Variants in ACOT12 observed in about 807,000 individuals in gnomAD.
ACOT12 encodes the protein acyl-CoA thioesterase 12, also known as acetyl-coenzyme A thioesterase.
A neutral mutation model predicts 67.7 loss-of-function variants in ACOT12; 51 were observed. The observed-to-expected ratio is 0.75, with a 90% CI of 0.60 to 0.95. The LOEUF is 0.95. ACOT12 is among the 40% of genes least tolerant of loss of function. The pLI is 0.00. For missense variants in ACOT12, 734 were observed against 708.1 expected (o/e 1.04, Z -0.41); for synonymous variants, 251 against 244.6 (o/e 1.03, Z -0.24).
intron 5 of ACOT12, among the ~76,000 whole-genome samples, chr5:81,358,624 C>T (rs1184505186): frequency 2.6e-5 from 4 of 152,114 alleles, no homozygotes; most frequent in African/African-American, 4.8e-5. Flanking sequence ...CCGAGGCAGG[C>T]GGATCACCTG....
At chr5:81,320,488 G>A in the ACOT12 span, among the ~76,000 whole-genome samples, 1 of 152,180 alleles carries the variant, frequency 6.6e-6, no homozygotes, top group South Asian at 2.1e-4. Flanking sequence ...TATCACCTGA[G>A]TTTTCAGTCT....
chr5:81,385,677 T>G, intron 2 of ACOT12, 80 bp downstream of exon 2: 1 of 1,301,676 alleles, frequency 7.7e-7, no homozygotes, highest in Non-Finnish European at 1.1e-6. Context: ...TCTGCCTGAA[T>G]AAGCTCAGGT....
intron 5 of ACOT12, among the ~76,000 whole-genome samples, chr5:81,356,368 AC>A (rs894899909): frequency 1.1e-4 from 16 of 152,066 alleles, no homozygotes; most frequent in African/African-American, 3.9e-4. Flanking sequence ...CTCTCCCTGC[AC>A]CCCTCTGATT....
At chr5:81,363,717 T>C (rs1759987440) in intron 4 of ACOT12, 71 bp downstream of exon 4, 1 of 1,153,184 alleles carries the variant, frequency 8.7e-7, no homozygotes, top group East Asian at 2.6e-5. Context: ...TTTTTTTCTA[T>C]AACATTCTGA....
chr5:81,377,074 G>A (rs553390601), intron 2 of ACOT12, among the ~76,000 whole-genome samples: 3 of 152,212 alleles, frequency 2.0e-5, no homozygotes, highest in South Asian at 4.2e-4. Context: ...GATGAACATC[G>A]ATGCGAAAAT....
At chr5:81,316,774 T>C in the ACOT12 span, among the ~76,000 whole-genome samples, 1 of 152,228 alleles carries the variant, frequency 6.6e-6, no homozygotes, top group African/African-American at 2.4e-5. Flanking sequence ...TGGAATCTCA[T>C]TGTGGTTTTG....
intron 11 of ACOT12, among the ~76,000 whole-genome samples, chr5:81,340,464 C>A (rs538648713): frequency 4.6e-4 from 70 of 152,246 alleles, no homozygotes; most frequent in African/African-American, 1.6e-3. Flanking sequence ...CAGGTTCAAG[C>A]AATTCTCCTG....
At chr5:81,373,887 G>A (rs1385233701) in intron 2 of ACOT12, among the ~76,000 whole-genome samples, 1 of 152,202 alleles carries the variant, frequency 6.6e-6, no homozygotes, top group East Asian at 1.9e-4. Context: ...GCACATGGGG[G>A]AAGGGGTGGC....
At chr5:81,328,346 G>C (rs1758724931), downstream of ACOT12, among the ~76,000 whole-genome samples, 1 of 152,106 alleles carries the variant, frequency 6.6e-6, no homozygotes, top group Non-Finnish European at 1.5e-5. Flanking sequence ...TGTGAACAGA[G>C]TATGCTTCTG....
rs1427071316 is a variant in ACOT12 at position 81,347,842 on chromosome 5, GT to G, written c.584del (p.Asn195ThrfsTer33). 1.9e-6 allele frequency: 3 copies of G among 1,614,184 alleles called. No individual in the cohort carries two copies. Among genetic ancestry groups the G allele is most frequent in the Non-Finnish European group, 2.5e-6 (3 of 1,180,036 alleles). Reference sequence around the variant, plus strand: ...GGCCACCAAATGTATTTCCGTGATGGTTTGCATGGGGTGGGAGGACCAGTTC... The same window carrying G: ...GGCCACCAAATGTATTTCCGTGATGGTTGCATGGGGTGGGAGGACCAGTTC... ...SIELVLPPHA[N>X]HHGNTFGGQI... On this transcript the variant is annotated frameshift_variant, in exon 6 of 15. Coordinates refer to ENST00000307624, the MANE Select transcript of ACOT12 (RefSeq NM_130767.3). LOFTEE classifies it high-confidence loss of function.
In ACOT12 at chr5:81,385,764, T is replaced by A; in HGVS notation, c.190A>T (p.Thr64Ser). 1 of 1,614,018 alleles carries A rather than the reference T, an allele frequency of 6.2e-7. No individual in the cohort carries two copies. Among genetic ancestry groups the A allele is most frequent in the South Asian group, 1.1e-5 (1 of 91,072 alleles). ...TGGAGCAATGTCACTTACCTAGCTG[T>A]CTCCTCAAACTGTATGTCATCCACT... is the stretch of plus-strand genomic sequence containing the variant. Reference protein sequence around the residue: ...ASVDDIQFEETARVGQVITIK... With the variant: ...ASVDDIQFEESARVGQVITIK... The change falls in exon 2 of 15, where the codon ACA becomes TCA. Residue 64 changes from threonine (T) to serine (S), a missense_variant. By Grantham distance (58) the Thr-to-Ser change is moderately conservative (BLOSUM62 1). Coordinates refer to ENST00000307624, the MANE Select transcript of ACOT12 (RefSeq NM_130767.3).
intron 3 of ACOT12, among the ~76,000 whole-genome samples, chr5:81,367,030 A>G (rs951041496): frequency 6.6e-6 from 1 of 152,338 alleles, no homozygotes. Flanking sequence ...AAATCCATAG[A>G]TCCAGTAGCT....
intron 5 of ACOT12, among the ~76,000 whole-genome samples, chr5:81,353,959 T>A (rs1759632240): frequency 6.6e-6 from 1 of 152,236 alleles, no homozygotes. Context: ...CCATCTGATC[T>A]AAGGAGCAGC....
chr5:81,354,367 T>C (rs6881812), intron 5 of ACOT12, among the ~76,000 whole-genome samples: 72,382 of 152,088 alleles, frequency 0.48, 18,327 homozygotes, highest in African/African-American at 0.65. Flanking sequence ...ATCTCCAGTA[T>C]TCAAAGTACT....
At chr5:81,354,900 C>T (rs1293193551) in intron 5 of ACOT12, among the ~76,000 whole-genome samples, 1 of 152,080 alleles carries the variant, frequency 6.6e-6, no homozygotes, top group Non-Finnish European at 1.5e-5. Context: ...GACAGGGTTT[C>T]ACCATGGTCT....
At chr5:81,311,429 A>T in the ACOT12 span, 5 of 851,930 alleles carry the variant, frequency 5.9e-6, no homozygotes, top group Non-Finnish European at 1.9e-6. Context: ...CTCTGTCAGC[A>T]ATAGACACAC....
intron 5 of ACOT12, among the ~76,000 whole-genome samples, chr5:81,358,708 G>T (rs776871682): frequency 6.6e-6 from 1 of 152,152 alleles, no homozygotes; most frequent in Non-Finnish European, 1.5e-5. Context: ...AATTAGCTGG[G>T]CGTGGTGGCA....
At chr5:81,329,497 T>A (rs1178569552), downstream of ACOT12, among the ~76,000 whole-genome samples, 2 of 152,188 alleles carry the variant, frequency 1.3e-5, no homozygotes, top group East Asian at 3.8e-4. Flanking sequence ...TGAGGGTTGG[T>A]AGGGGGAGCA....
At chr5:81,393,115 A>G (rs1480215323) in intron 1 of ACOT12, among the ~76,000 whole-genome samples, 1 of 152,214 alleles carries the variant, frequency 6.6e-6, no homozygotes, top group Non-Finnish European at 1.5e-5. Context: ...TTCTGTCACA[A>G]GAACACAGTG....
Sources: gnomAD v4.1 joint callset for allele counts (sites outside exome capture counted in the v4.1 genomes callset) on GRCh38, gnomAD v4.1.1 for gene constraint, MANE v1.5 for transcripts, NCBI Gene and HGNC (gene_info 2026-07-23, HGNC 2026-07-21) for gene names.